The following CAMTA1 variants were observed in gnomAD, a reference collection of about 807,000 sequenced individuals.
CAMTA1 encodes calmodulin-binding transcription activator 1.
A neutral mutation model predicts 170.9 loss-of-function variants in CAMTA1; 27 were observed. The observed-to-expected ratio is 0.16, with a 90% CI of 0.12 to 0.22. The LOEUF is 0.22. Among genes scored for constraint, CAMTA1 ranks in the 10% least tolerant of loss-of-function variants. The pLI is 1.00. For synonymous variants in CAMTA1, 833 were observed against 891.5 expected, an observed-to-expected ratio of 0.93 and a Z score of 1.17; for missense variants, 1,619 against 2,217.2, an observed-to-expected ratio of 0.73 and a Z score of 5.42.
intron 3 of CAMTA1, among the ~76,000 whole-genome samples, chr1:7,012,514 C>T (rs1300013802): frequency 6.6e-6 from 1 of 152,270 alleles, no homozygotes; most frequent in East Asian, 1.9e-4. Context: ...AGACCTCTCC[C>T]TCCTCCAAGC....
At chr1:7,103,938 A>G (rs1643213090) in intron 4 of CAMTA1, among the ~76,000 whole-genome samples, 1 of 150,726 alleles carries the variant, frequency 6.6e-6, no homozygotes, top group Admixed American at 6.6e-5. Context: ...AACTACACAC[A>G]TACAGCACAC....
chr1:7,706,068 G>A (rs563101957), intron 11 of CAMTA1, among the ~76,000 whole-genome samples: 1 of 152,174 alleles, frequency 6.6e-6, no homozygotes, highest in African/African-American at 2.4e-5. Flanking sequence ...CTACAAATCA[G>A]GTATCAGAAT....
intron 5 of CAMTA1, among the ~76,000 whole-genome samples, chr1:7,398,185 CTCTCTCTCTATATATATATATAT>C (rs2089539075): frequency 2.1e-5 from 1 of 46,542 alleles, no homozygotes; most frequent in Non-Finnish European, 4.0e-5. Context: ...CTCTCTCTCT[CTCTCTCTCTATATATATATATAT>C]ATATATATAT....
chr1:7,186,412 A>G (rs1395607831), intron 4 of CAMTA1, among the ~76,000 whole-genome samples: 1 of 152,236 alleles, frequency 6.6e-6, no homozygotes, highest in East Asian at 1.9e-4. Flanking sequence ...AGGAATTACC[A>G]AAGAAATGAT....
intron 4 of CAMTA1, among the ~76,000 whole-genome samples, chr1:7,108,164 G>A (rs1258727621): frequency 6.6e-6 from 1 of 152,162 alleles, no homozygotes; most frequent in East Asian, 1.9e-4. Flanking sequence ...TTGATGGCAA[G>A]AATTCAGTGA....
chr1:7,194,465 C>T (rs778841798), intron 4 of CAMTA1, among the ~76,000 whole-genome samples: 2 of 151,972 alleles, frequency 1.3e-5, no homozygotes, highest in Non-Finnish European at 2.9e-5. Flanking sequence ...AATCATTGAA[C>T]GAGGTCCTTT....
At chr1:6,980,140 A>G (rs1204332432) in intron 3 of CAMTA1, among the ~76,000 whole-genome samples, 2 of 152,140 alleles carry the variant, frequency 1.3e-5, no homozygotes, top group African/African-American at 4.8e-5. Context: ...CACTTACTGG[A>G]GAAGCTGTGA....
chr1:7,321,607 C>T (rs115703890), intron 5 of CAMTA1, among the ~76,000 whole-genome samples: 3,602 of 152,290 alleles, frequency 0.024, 141 homozygotes, highest in African/African-American at 0.082. Context: ...ATCCCTTCTT[C>T]TGCAAGCTGT....
chr1:7,494,739 G>A (rs1348050944), intron 6 of CAMTA1, among the ~76,000 whole-genome samples: 1 of 152,178 alleles, frequency 6.6e-6, no homozygotes, highest in African/African-American at 2.4e-5. Flanking sequence ...CAGAAGTAGA[G>A]ATTGCAGTGA....
chr1:7,241,068 CTAGAACTAATAAA>C (rs1664779025), intron 4 of CAMTA1, among the ~76,000 whole-genome samples: 1 of 152,116 alleles, frequency 6.6e-6, no homozygotes, highest in Non-Finnish European at 1.5e-5. Context: ...AAAAAATTTA[CTAGAACTAATAAA>C]TAGGTTTAGC....
intron 3 of CAMTA1, among the ~76,000 whole-genome samples, chr1:6,986,852 C>T (rs1413975555): frequency 2.6e-5 from 4 of 152,074 alleles, no homozygotes; most frequent in East Asian, 1.9e-4. Context: ...TTCCTGATGA[C>T]GCACTCCTGC....
At chr1:7,643,126 T>C (rs2095777915) in intron 7 of CAMTA1, among the ~76,000 whole-genome samples, 1 of 150,124 alleles carries the variant, frequency 6.7e-6, no homozygotes, top group Non-Finnish European at 1.5e-5. Context: ...CCTCAGTGTT[T>C]ACATTTAGAG....
At chr1:7,258,586 C>T (rs2149345152) in intron 5 of CAMTA1, among the ~76,000 whole-genome samples, 1 of 152,324 alleles carries the variant, frequency 6.6e-6, no homozygotes, top group African/African-American at 2.4e-5. Flanking sequence ...GCATAATTTA[C>T]AGCCTCACCC....
intron 6 of CAMTA1, among the ~76,000 whole-genome samples, chr1:7,529,481 T>G (rs753170369): frequency 2.0e-5 from 3 of 152,088 alleles, no homozygotes; most frequent in African/African-American, 7.2e-5. Context: ...TAGAAAACAT[T>G]GTTGTCACAG....
rs2096216051 is a variant in CAMTA1 at position 7,682,372 on chromosome 1, GACT to G, written c.2914+4640_2914+4642del. ...TGGCCCTGGGGTAGGTGTCTGGGAA[GACT>G]GAGAGCCTCGCTCCTGTCTAAGCAA... On this transcript the variant is annotated intron_variant, in intron 11 of 22. Coordinates refer to ENST00000303635, the MANE Select transcript of CAMTA1 (RefSeq NM_015215.4). The surrounding 1 kb of genome is among the most constrained non-coding windows in gnomAD (Gnocchi z 5.0). 6.6e-6 allele frequency among the ~76,000 whole-genome samples: 1 copy of G among 152,264 alleles called. No homozygotes were observed. Among genetic ancestry groups the G allele is most frequent in the Non-Finnish European group, 1.5e-5 (1 of 68,048 alleles).
intron 1 of CAMTA1, among the ~76,000 whole-genome samples, chr1:6,808,545 C>T (rs1450018773): frequency 1.3e-5 from 2 of 152,158 alleles, no homozygotes; most frequent in Non-Finnish European, 2.9e-5. Flanking sequence ...TGACCTTGCC[C>T]CTCTTTTCAG....
chr1:7,670,521 G>A (rs542693669), intron 9 of CAMTA1, among the ~76,000 whole-genome samples: 3 of 152,288 alleles, frequency 2.0e-5, no homozygotes, highest in East Asian at 1.9e-4. Flanking sequence ...AGTGAATGAC[G>A]GAGCAAGTCC....
chr1:6,872,060 A>C, intron 3 of CAMTA1: 2 of 883,694 alleles, frequency 2.3e-6, no homozygotes, highest in Non-Finnish European at 2.9e-6. Context: ...TTTAAGTTTA[A>C]TGAGTGCATT....
intron 5 of CAMTA1, among the ~76,000 whole-genome samples, chr1:7,446,186 A>AG: frequency 6.6e-6 from 1 of 152,072 alleles, no homozygotes; most frequent in East Asian, 1.9e-4. Flanking sequence ...GCTGTGAAAA[A>AG]AAAAAAAAAG....
Sources: gnomAD v4.1 joint callset for allele counts (sites outside exome capture counted in the v4.1 genomes callset) on GRCh38, gnomAD v4.1.1 for gene constraint, Gnocchi (gnomAD v3.1) non-coding constraint, MANE v1.5 for transcripts, NCBI Gene and HGNC (gene_info 2026-07-23, HGNC 2026-07-21) for gene names.